The following STAT3 variants were observed in gnomAD, a reference collection of about 807,000 sequenced individuals.
STAT3 encodes the protein DNA-binding protein APRF.
Under a neutral mutation model 114.3 loss-of-function variants are expected in STAT3, and 7 were observed. That is an observed-to-expected ratio of 0.06 (90% CI 0.03 to 0.11). The LOEUF (loss-of-function observed/expected upper bound fraction) is 0.11, where lower values mean the gene tolerates loss of function less well. Ranked by LOEUF, STAT3 falls within the 10% of genes least tolerant of loss-of-function variation. STAT3 has a pLI of 1.00. For missense variants in STAT3, 364 were observed against 960.9 expected, an observed-to-expected ratio of 0.38 and a Z score of 8.21; for synonymous variants, 331 against 354.5, an observed-to-expected ratio of 0.93 and a Z score of 0.74.
chr17:42,360,076 A>G (rs966398890), intron 1 of STAT3, among the ~76,000 whole-genome samples: 2 of 151,596 alleles, frequency 1.3e-5, no homozygotes, highest in African/African-American at 2.4e-5. Flanking sequence ...AAAAAAAAAA[A>G]AAAAAGATTT....
At chr17:42,322,861 C>G in intron 20 of STAT3, 143 bp downstream of exon 20, 2 of 1,184,618 alleles carry the variant, frequency 1.7e-6, no homozygotes, top group East Asian at 4.8e-5. Flanking sequence ...TTAGAAGTCA[C>G]GCAAATGTGT....
At chr17:42,363,276 C>G (rs2083608271) in intron 1 of STAT3, among the ~76,000 whole-genome samples, 1 of 152,150 alleles carries the variant, frequency 6.6e-6, no homozygotes, top group South Asian at 2.1e-4. Flanking sequence ...ATCACTGATT[C>G]AAGAATAATC....
In STAT3 at chr17:42,337,341, T is replaced by G; in HGVS notation, c.797+94A>C. 665 of 1,482,876 alleles carry G rather than the reference T, an allele frequency of 4.5e-4. No homozygotes were observed. The highest frequency in any genetic ancestry group is 5.7e-4 in the Non-Finnish European group (619 of 1,089,476). 91.9% of individuals were successfully genotyped at this position (1,482,876 alleles called of 1,614,324 possible). A position where few individuals can be genotyped will look rare whatever the true frequency, so the allele number is the denominator to read the frequency against. ...TTTGAATATGGAAAAGTCCCCACGTTGGAGATATAGTACCAATTCTGTGGG... is the reference window on the plus strand; with the variant it reads ...TTTGAATATGGAAAAGTCCCCACGTGGGAGATATAGTACCAATTCTGTGGG... On this transcript the variant is annotated intron_variant, in intron 8 of 23. Coordinates refer to ENST00000264657, the MANE Select transcript of STAT3 (RefSeq NM_139276.3). The surrounding 1 kb of genome is among the most constrained non-coding windows in gnomAD (Gnocchi z 4.0).
intron 1 of STAT3, among the ~76,000 whole-genome samples, chr17:42,364,050 C>T (rs925797793): frequency 6.6e-6 from 1 of 152,076 alleles, no homozygotes; most frequent in Non-Finnish European, 1.5e-5. Flanking sequence ...CTGGCAACCA[C>T]GTACCATCCT....
intron 4 of STAT3, among the ~76,000 whole-genome samples, chr17:42,343,776 T>A (rs2082563787): frequency 6.6e-6 from 1 of 152,114 alleles, no homozygotes; most frequent in South Asian, 2.1e-4. Flanking sequence ...TCATTACATC[T>A]TCTAACAGGT....
chr17:42,345,269 A>G, intron 4 of STAT3: 2 of 299,610 alleles, frequency 6.7e-6, no homozygotes. Context: ...CTGTCTCAGA[A>G]AAAAAAAAAA....
chr17:42,326,254 T>A lies in STAT3; in HGVS notation c.1282-55A>T, dbSNP rs1470919265. On this transcript the variant is annotated intron_variant, in intron 14 of 23. Coordinates refer to ENST00000264657, the MANE Select transcript of STAT3 (RefSeq NM_139276.3). Reference sequence around the variant, plus strand: ...CAGGTGTGGTGGCTCATGCCTGTAATCCCAGCACTTTGGGAGGCCAAGGCA... The same window carrying A: ...CAGGTGTGGTGGCTCATGCCTGTAAACCCAGCACTTTGGGAGGCCAAGGCA... The A allele has an allele frequency of 3.3e-6, 5 of 1,532,968 alleles. No individual in the cohort carries two copies. In the East Asian group the frequency reaches 1.1e-4, roughly 35 times the overall value. The allele number at this position is 1,532,968 out of a possible 1,614,324, so 95.0% of individuals were successfully genotyped here.
Position 42,329,656 on chromosome 17 carries a change from C to CAGGGGAACAATCAACTATGT in STAT3, c.1140-29_1140-10dup, listed in dbSNP as rs2081906653. 1.2e-6 allele frequency: 2 copies of CAGGGGAACAATCAACTATGT among 1,614,162 alleles called. No individual in the cohort carries two copies. Among genetic ancestry groups the CAGGGGAACAATCAACTATGT allele is most frequent in the East Asian group, 4.5e-5 (2 of 44,888 alleles). On this transcript the variant is annotated splice_polypyrimidine_tract_variant and intron_variant, in intron 12 of 23. Transcript: ENST00000264657. Reference sequence around the variant, plus strand: ...TGTTAAATTTCCGGGATCTGAATCACAGGGGAACAATCAACTATGTAGGTG... The same window carrying CAGGGGAACAATCAACTATGT: ...TGTTAAATTTCCGGGATCTGAATCACAGGGGAACAATCAACTATGTAGGGGAACAATCAACTATGTAGGTG...
chr17:42,323,495 C>A, intron 18 of STAT3, 78 bp downstream of exon 18: 1 of 1,577,748 alleles, frequency 6.3e-7, no homozygotes, highest in South Asian at 1.1e-5. Context: ...GAGTTCAGGG[C>A]CTTCAAGCCA....
In STAT3 at chr17:42,347,006, T is replaced by C. The variant is rs8066904; in HGVS notation, c.129-293A>G. Among the ~76,000 whole-genome samples the C allele has an allele frequency of 4.1e-3, 617 of 151,858 alleles. 6 individuals carry two copies. The highest frequency in any genetic ancestry group is 0.014 in the African/African-American group (589 of 41,442). On this transcript the variant is annotated intron_variant, in intron 2 of 23. Transcript: ENST00000264657. ...GAGTTCCAGACCAACCTGGCCAACA[T>C]GGTGAAACGCTGTCTCTACTAAAAA...
At chr17:42,357,211 A>G (rs1206067947) in intron 1 of STAT3, among the ~76,000 whole-genome samples, 4 of 152,204 alleles carry the variant, frequency 2.6e-5, no homozygotes, top group Non-Finnish European at 5.9e-5. Flanking sequence ...ACCCCAATTT[A>G]TTTGTTCTCA....
intron 1 of STAT3, among the ~76,000 whole-genome samples, chr17:42,380,487 C>T (rs185860162): frequency 3.2e-4 from 48 of 152,020 alleles, no homozygotes; most frequent in East Asian, 1.7e-3. Context: ...CGGGTTCAAG[C>T]GATTATCCTG....
At chr17:42,329,044 C>T (rs909216410) in intron 14 of STAT3, among the ~76,000 whole-genome samples, 1 of 152,118 alleles carries the variant, frequency 6.6e-6, no homozygotes, top group Non-Finnish European at 1.5e-5. Context: ...GAGAGAAAAA[C>T]AGGGCACTAA....
intron 15 of STAT3, 63 bp downstream of exon 15, chr17:42,326,053 G>A (rs2081704073): frequency 7.1e-7 from 1 of 1,399,814 alleles, no homozygotes; most frequent in Non-Finnish European, 1.0e-6. Flanking sequence ...AAATCCCAGT[G>A]GAAGTTTTTG....
At chr17:42,361,530 T>G (rs573694265) in intron 1 of STAT3, among the ~76,000 whole-genome samples, 20 of 150,648 alleles carry the variant, frequency 1.3e-4, no homozygotes, top group African/African-American at 3.9e-4. Context: ...GGCCAAAGAA[T>G]AATAATAAAT....
intron 1 of STAT3, among the ~76,000 whole-genome samples, chr17:42,372,417 C>T (rs900493817): frequency 6.6e-6 from 1 of 152,014 alleles, no homozygotes; most frequent in African/African-American, 2.4e-5. Flanking sequence ...CATGAAGAAA[C>T]CTGAAATGCA....
intron 23 of STAT3, chr17:42,316,242 TTTTG>T (rs780289949): frequency 1.3e-5 from 5 of 396,644 alleles, no homozygotes; most frequent in African/African-American, 2.1e-5. Flanking sequence ...TTTAGTTTAG[TTTTG>T]TTTATTTGAG....
intron 1 of STAT3, among the ~76,000 whole-genome samples, chr17:42,373,240 C>T (rs1011351438): frequency 5.3e-5 from 8 of 152,046 alleles, no homozygotes; most frequent in African/African-American, 1.5e-4. Context: ...ATCTCAGCTA[C>T]TTGGGAGGCT....
At chr17:42,349,362 T>C (rs1174058333) in intron 1 of STAT3, among the ~76,000 whole-genome samples, 2 of 152,268 alleles carry the variant, frequency 1.3e-5, no homozygotes, top group Non-Finnish European at 1.5e-5. Context: ...GCATGGCACA[T>C]AACAGATGCC....
Sources: allele counts gnomAD v4.1 joint callset (sites outside exome capture counted in the v4.1 genomes callset), GRCh38; gene constraint gnomAD v4.1.1; non-coding constraint Gnocchi (gnomAD v3.1); transcripts MANE v1.5; gene names NCBI Gene and HGNC (gene_info 2026-07-23, HGNC 2026-07-21).